The following PTPRZ1 variants were observed in gnomAD, a reference collection of about 807,000 sequenced individuals.
The protein encoded by PTPRZ1 is receptor-type tyrosine-protein phosphatase zeta.
PTPRZ1 carries 82 observed loss-of-function variants against 214.1 expected under a neutral mutation model. That is an observed-to-expected ratio of 0.38 (90% confidence interval 0.32 to 0.46). The LOEUF is 0.46. PTPRZ1 is among the 20% of genes least tolerant of loss of function. The pLI is 1.00. For synonymous variants in PTPRZ1, 945 were observed against 987.9 expected, an observed-to-expected ratio of 0.96 and a Z score of 0.81; for missense variants, 2,603 against 2,748.7, an observed-to-expected ratio of 0.95 and a Z score of 1.19.
chr7:122,021,884 TA>T (rs1296445255), intron 13 of PTPRZ1, among the ~76,000 whole-genome samples: 5 of 152,340 alleles, frequency 3.3e-5, no homozygotes, highest in African/African-American at 9.6e-5. Context: ...GTTAATTCAC[TA>T]AAAAATATAA....
chr7:121,985,149 T>TTC (rs1313752489), intron 8 of PTPRZ1, among the ~76,000 whole-genome samples: 3 of 152,192 alleles, frequency 2.0e-5, no homozygotes, highest in Admixed American at 6.5e-5. Context: ...CAGTGATGAA[T>TTC]AGCTATATTT....
In PTPRZ1 at chr7:121,962,839, C is replaced by T. The variant is rs372052966; in HGVS notation, c.125-5112C>T. Among the ~76,000 whole-genome samples, 8 of 152,020 alleles carry T rather than the reference C, an allele frequency of 5.3e-5. No homozygotes were observed. In the East Asian group the frequency reaches 5.8e-4, roughly 11 times the overall value. On this transcript the variant is annotated intron_variant, in intron 2 of 29. Transcript: ENST00000393386. ...TCGGCCTCCCAAAGTGCTGGGATTA[C>T]AGGTGTGAGTCACCACACCCAGCTC...
chr7:121,898,293 A>G lies in PTPRZ1; in HGVS notation c.58+24736A>G, dbSNP rs3757548. ...TTTTTCATGTTCTATGAATGATTCT[A>G]TGCTGTGGAACAGCCTTCAATGGAG... On this transcript the variant is annotated intron_variant, in intron 1 of 29. Transcript: ENST00000393386. 3.0e-3 allele frequency among the ~76,000 whole-genome samples: 463 copies of G among 151,806 alleles called. 19 individuals carry two copies. The East Asian group carries it at 0.078, about 26-fold the overall frequency.
intron 3 of PTPRZ1, 79 bp from the exon 4 acceptor site, chr7:121,972,462 C>CTTA (rs986204739): frequency 3.0e-6 from 4 of 1,348,302 alleles, no homozygotes; most frequent in Non-Finnish European, 4.0e-6. Flanking sequence ...CTTAATGTAC[C>CTTA]TTAAGTAGAT....
intron 9 of PTPRZ1, 27 bp downstream of exon 9, chr7:121,996,593 T>C (rs7795588): frequency 0.12 from 172,525 of 1,494,780 alleles, 10,405 homozygotes; most frequent in East Asian, 0.17. Context: ...TTGTTTTACA[T>C]AGGGTAACAT....
In PTPRZ1 at chr7:122,059,802, C is replaced by T. The variant is rs1792510237; in HGVS notation, c.6721C>T (p.His2241Tyr). Reference protein sequence around the residue: ...GTFCALTTLMHQLEKENSVDV... With the variant: ...GTFCALTTLMYQLEKENSVDV... ...TTTCTGTGCTCTGACAACCCTTATGCACCAACTAGAAAAAGAAAATTCCGT... is the reference window on the plus strand; with the variant it reads ...TTTCTGTGCTCTGACAACCCTTATGTACCAACTAGAAAAAGAAAATTCCGT... The change falls in exon 29 of 30, where the codon CAC (histidine) becomes TAC (tyrosine). Residue 2241 changes from histidine (H) to tyrosine (Y), a missense_variant. This residue lies in a region of PTPRZ1 where 165 missense variants were observed against 151.4 expected (regional missense o/e 1.09). Transcript: ENST00000393386. 6.2e-7 allele frequency: 1 copy of T among 1,613,408 alleles called. No individual in the cohort carries two copies.
Position 122,013,097 on chromosome 7 carries a change from G to T in PTPRZ1, c.4051G>T (p.Gly1351Cys). The change falls in exon 12 of 30, where the codon GGT becomes TGT. Residue 1351 changes from glycine to cysteine, a missense_variant. Physicochemically the swap from Gly to Cys is radical, Grantham distance 159 (BLOSUM62 -3). Transcript: ENST00000393386. The stretch of plus-strand genomic sequence containing the variant: ...TTCTGTTACTGGTAAGGTATTTGCT[G>T]GTATTCCAACAGTTGCTTCTGATAC... ...KSSVTGKVFA[G>C]IPTVASDTFV... is the part of the protein sequence containing the mutation. 6.2e-7 allele frequency: 1 copy of T among 1,613,820 alleles called. No homozygotes were observed. Among genetic ancestry groups the T allele is most frequent in the Non-Finnish European group, 8.5e-7 (1 of 1,179,722 alleles).
At chr7:122,020,414 A>G (rs1323157218) in intron 13 of PTPRZ1, among the ~76,000 whole-genome samples, 3 of 152,216 alleles carry the variant, frequency 2.0e-5, no homozygotes, top group Non-Finnish European at 4.4e-5. Flanking sequence ...TTGGTAGGCC[A>G]GAATGCTCAG....
Position 122,010,882 on chromosome 7 carries a change from A to T in PTPRZ1, c.1836A>T (p.Glu612Asp), listed in dbSNP as rs1425032160. 6.2e-7 allele frequency: 1 copy of T among 1,614,070 alleles called. No homozygotes were observed. Among genetic ancestry groups the T allele is most frequent in the Admixed American group, 1.7e-5 (1 of 59,990 alleles). ...NISQGYIFSSENPETITYDVL... is the reference protein window; with the variant it reads ...NISQGYIFSSDNPETITYDVL... ...CCCAAGGGTATATATTTTCCTCCGA[A>T]AACCCAGAGACAATAACATATGATG... is the stretch of plus-strand genomic sequence containing the variant. Residue 612 changes from glutamate (E) to aspartate (D), a missense_variant, in exon 12 of 30, where the codon GAA (glutamate) becomes GAT (aspartate). Glu to Asp is a conservative substitution (Grantham distance 45, BLOSUM62 2). Coordinates refer to ENST00000393386, the MANE Select transcript of PTPRZ1 (RefSeq NM_002851.3).
chr7:121,964,631 A>G (rs932529244), intron 2 of PTPRZ1, among the ~76,000 whole-genome samples: 3 of 152,156 alleles, frequency 2.0e-5, no homozygotes, highest in African/African-American at 7.2e-5. Context: ...ACTGGGATGT[A>G]GAAACAATGA....
At chr7:121,906,275 A>G (rs913315827) in intron 1 of PTPRZ1, among the ~76,000 whole-genome samples, 2 of 152,200 alleles carry the variant, frequency 1.3e-5, no homozygotes, top group Non-Finnish European at 2.9e-5. Context: ...TTCCTGCCTT[A>G]TGAACTTTTG....
chr7:122,019,329 C>T, intron 13 of PTPRZ1, 61 bp downstream of exon 13: 1 of 1,475,616 alleles, frequency 6.8e-7, no homozygotes, highest in South Asian at 1.2e-5. Flanking sequence ...GCCCATATTT[C>T]ATCTGAAAGG....
Position 121,984,029 on chromosome 7 carries a change from C to T in PTPRZ1, c.840C>T (p.Tyr280=), listed in dbSNP as rs1797697027. 1 of 1,613,610 alleles carries T rather than the reference C, an allele frequency of 6.2e-7. No homozygotes were observed. ...QQSGYVMLMD[Y]LQNNFREQQY... Reference sequence around the variant, plus strand: ...CTGGTTATGTCATGCTGATGGACTACTTACAAAACAATTTTCGAGAGCAAC... The same window carrying T: ...CTGGTTATGTCATGCTGATGGACTATTTACAAAACAATTTTCGAGAGCAAC... Residue 280 remains tyrosine, a synonymous_variant, in exon 8 of 30, where the codon TAC becomes TAT. Transcript: ENST00000393386.
At chr7:122,040,659 ACTTT>A (rs1479877924) in intron 20 of PTPRZ1, among the ~76,000 whole-genome samples, 153 bp from the exon 21 acceptor site, 11 of 151,202 alleles carry the variant, frequency 7.3e-5, no homozygotes, top group Admixed American at 7.3e-4. Context: ...ATGACACTCT[ACTTT>A]CTTTCATTCA....
intron 13 of PTPRZ1, among the ~76,000 whole-genome samples, chr7:122,025,036 G>A (rs541186127): frequency 4.6e-5 from 7 of 152,266 alleles, no homozygotes; most frequent in Middle Eastern, 6.8e-3. Context: ...CATATGATTG[G>A]TGGGATTTAC....
At chr7:121,948,658 A>G (rs1584671502) in intron 2 of PTPRZ1, among the ~76,000 whole-genome samples, 1 of 152,112 alleles carries the variant, frequency 6.6e-6, no homozygotes, top group African/African-American at 2.4e-5. Flanking sequence ...GTGGCTGCTT[A>G]TGGAAGAGAA....
At position 121,873,527 on chromosome 7, in the gene PTPRZ1, T is replaced by C; in HGVS notation, c.28T>C (p.Cys10Arg). The change falls in exon 1 of 30, where the codon TGC (cysteine) becomes CGC (arginine). Residue 10 changes from cysteine to arginine, a missense_variant. Cys to Arg is a radical substitution (Grantham distance 180). Around this residue, in one of 6 missense-constraint regions of PTPRZ1, gnomAD observed 141 missense variants for 143.7 expected, o/e 0.98. Transcript: ENST00000393386. MRILKRFLA[C>R]IQLLCVCRLD... is the part of the protein sequence containing the mutation. ...GCGAATCCTAAAGCGTTTCCTCGCT[T>C]GCATTCAGCTCCTCTGTGTTTGCCG... 1 of 1,613,958 alleles carries C rather than the reference T, an allele frequency of 6.2e-7. No individual in the cohort carries two copies. The highest frequency in any genetic ancestry group is 8.5e-7 in the Non-Finnish European group (1 of 1,180,010).
In PTPRZ1 at chr7:122,038,977, C is replaced by G. The variant is rs553009483; in HGVS notation, c.5502+88C>G. Reference sequence around the variant, plus strand: ...TAATAGAGTCAGCATTAGGAAGGAGCCAAAGTTTTGAGAGTTATTTGGGAT... The same window carrying G: ...TAATAGAGTCAGCATTAGGAAGGAGGCAAAGTTTTGAGAGTTATTTGGGAT... On this transcript the variant is annotated intron_variant, in intron 19 of 29. Coordinates refer to ENST00000393386, the MANE Select transcript of PTPRZ1 (RefSeq NM_002851.3). 12 of 1,401,980 alleles carry G rather than the reference C, an allele frequency of 8.6e-6. No individual in the cohort carries two copies. The Middle Eastern group carries it at 7.5e-4, about 88-fold the overall frequency. The allele number at this position is 1,401,980 out of a possible 1,614,324, so 86.8% of individuals were successfully genotyped here.
At chr7:122,039,333 A>T in intron 19 of PTPRZ1, 121 bp from the exon 20 acceptor site, 1 of 1,083,466 alleles carries the variant, frequency 9.2e-7, no homozygotes, top group Non-Finnish European at 1.3e-6. Flanking sequence ...AGAAAATAAA[A>T]CATTTAGAAG....
Sources: allele counts gnomAD v4.1 joint callset (sites outside exome capture counted in the v4.1 genomes callset), GRCh38; gene constraint gnomAD v4.1.1; regional missense constraint gnomAD v4.1.1; transcripts MANE v1.5; gene names NCBI Gene and HGNC (gene_info 2026-07-23, HGNC 2026-07-21).